GRIA2: variants seen among roughly 807,000 people sequenced by gnomAD.
The protein encoded by GRIA2 is glutamate ionotropic receptor AMPA type subunit 2, also known as glutamate receptor 2.
Under a neutral mutation model 97.3 loss-of-function variants are expected in GRIA2, and 14 were observed. The observed-to-expected ratio is 0.14, with a 90% CI of 0.10 to 0.23. GRIA2 has a LOEUF of 0.23. Among genes scored for constraint, GRIA2 ranks in the 10% least tolerant of loss-of-function variants. The probability of loss-of-function intolerance (pLI) is 1.00; values close to 1 mark genes in which losing one functional copy is unlikely to be tolerated. For synonymous variants in GRIA2, 412 were observed against 387.8 expected (o/e 1.06, Z -0.73); for missense variants, 558 against 1,069.8 (o/e 0.52, Z 6.67).
intron 12 of GRIA2, among the ~76,000 whole-genome samples, chr4:157,349,339 G>C (rs191539509): frequency 6.6e-6 from 1 of 151,508 alleles, no homozygotes; most frequent in Non-Finnish European, 1.5e-5. Flanking sequence ...GCGTTCCAGG[G>C]TTTTTGTACA....
intron 3 of GRIA2, among the ~76,000 whole-genome samples, chr4:157,311,979 A>T (rs1049316646): frequency 2.0e-5 from 3 of 152,110 alleles, no homozygotes; most frequent in Non-Finnish European, 4.4e-5. Flanking sequence ...AAGCAAAGTT[A>T]CTAACAGGAA....
chr4:157,259,436 C>A (rs1727533828), intron 2 of GRIA2, among the ~76,000 whole-genome samples: 3 of 152,084 alleles, frequency 2.0e-5, no homozygotes, highest in African/African-American at 7.2e-5. Flanking sequence ...AGCTTTCCTA[C>A]AGCTCTGTCA....
Position 157,228,790 on chromosome 4 carries a change from C to CAAAAA in GRIA2, c.229+6999_229+7003dup, listed in dbSNP as rs5863257. Among the ~76,000 whole-genome samples the CAAAAA allele has an allele frequency of 1.2e-3, 47 of 39,500 alleles. 1 individual carries two copies. The highest frequency in any genetic ancestry group is 4.0e-3 in the African/African-American group (33 of 8,154). 25.9% of individuals were successfully genotyped at this position (39,500 alleles called of 152,430 possible). On this transcript the variant is annotated intron_variant, in intron 2 of 15. Coordinates refer to ENST00000264426, the MANE Select transcript of GRIA2 (RefSeq NM_001083619.3). The stretch of plus-strand genomic sequence containing the variant: ...CCTTGGAGATGGCAAGATTCCATCT[C>CAAAAA]AAAAAAAAAAAAAAAAAAAAGAAGG...
intron 2 of GRIA2, among the ~76,000 whole-genome samples, chr4:157,289,323 T>C (rs960601088): frequency 2.6e-5 from 4 of 151,906 alleles, no homozygotes; most frequent in Admixed American, 2.0e-4. Context: ...GTAATGAAAG[T>C]AAACATGAGT....
At chr4:157,240,117 A>G (rs781434482) in intron 2 of GRIA2, among the ~76,000 whole-genome samples, 1 of 152,160 alleles carries the variant, frequency 6.6e-6, no homozygotes, top group Non-Finnish European at 1.5e-5. Context: ...ATTATTTAAA[A>G]CAAGTTTTAA....
In GRIA2 at chr4:157,277,898, A is replaced by ATG. The variant is rs1560743457; in HGVS notation, c.230-25653_230-25652insGT. 2.5e-3 allele frequency among the ~76,000 whole-genome samples: 362 copies of ATG among 144,630 alleles called. 3 individuals are homozygous for ATG. The highest frequency in any genetic ancestry group is 9.0e-3 in the African/African-American group (357 of 39,560). 94.9% of individuals were successfully genotyped at this position (144,630 alleles called of 152,430 possible). A position where few individuals can be genotyped will look rare whatever the true frequency, so the allele number is the denominator to read the frequency against. ...TATATATATGTATATATGTATATATATATGTATATATGTATATATATGTAT... is the reference window on the plus strand; with the variant it reads ...TATATATATGTATATATGTATATATATGTATGTATATATGTATATATATGTAT... On this transcript the variant is annotated intron_variant, in intron 2 of 15. Transcript: ENST00000264426.
chr4:157,235,629 T>C (rs1730209486), intron 2 of GRIA2, among the ~76,000 whole-genome samples: 1 of 152,092 alleles, frequency 6.6e-6, no homozygotes, highest in African/African-American at 2.4e-5. Flanking sequence ...GGTAGCCAAA[T>C]GAGTACTACT....
At chr4:157,285,357 G>T (rs536190491) in intron 2 of GRIA2, among the ~76,000 whole-genome samples, 3 of 151,230 alleles carry the variant, frequency 2.0e-5, no homozygotes, top group South Asian at 4.2e-4. Context: ...GTTGTGATTT[G>T]CCTTTATATT....
intron 2 of GRIA2, among the ~76,000 whole-genome samples, chr4:157,279,211 C>A (rs1732485246): frequency 6.6e-6 from 1 of 152,054 alleles, no homozygotes; most frequent in Non-Finnish European, 1.5e-5. Flanking sequence ...CCAAGATGTC[C>A]TTCAGTAGGT....
intron 5 of GRIA2, among the ~76,000 whole-genome samples, chr4:157,318,167 G>T (rs1734408979): frequency 6.6e-6 from 1 of 151,938 alleles, no homozygotes; most frequent in Non-Finnish European, 1.5e-5. Context: ...TTTAAGAAAA[G>T]GGAAAATTCT....
intron 2 of GRIA2, among the ~76,000 whole-genome samples, chr4:157,260,458 T>C (rs1008971368): frequency 6.6e-6 from 1 of 152,092 alleles, no homozygotes; most frequent in Non-Finnish European, 1.5e-5. Flanking sequence ...TTTGTCCCTT[T>C]CAGCATGATC....
intron 12 of GRIA2, among the ~76,000 whole-genome samples, chr4:157,355,933 T>TA (rs1560781153): frequency 6.4e-4 from 15 of 23,462 alleles, no homozygotes; most frequent in Non-Finnish European, 1.3e-3. Context: ...TTATATATAT[T>TA]TATATATTAA....
At chr4:157,335,489 T>C in intron 9 of GRIA2, 182 bp from the exon 10 acceptor site, 4 of 587,560 alleles carry the variant, frequency 6.8e-6, no homozygotes. Context: ...TGATAGACAT[T>C]CCGAGGCTTT....
chr4:157,248,209 T>C (rs1324534647), intron 2 of GRIA2, among the ~76,000 whole-genome samples: 1 of 151,602 alleles, frequency 6.6e-6, no homozygotes, highest in East Asian at 1.9e-4. Flanking sequence ...GTAACCTAAT[T>C]ATATAATTAA....
intron 2 of GRIA2, among the ~76,000 whole-genome samples, chr4:157,298,934 G>GC (rs1376631912): frequency 6.6e-6 from 1 of 152,024 alleles, no homozygotes; most frequent in Non-Finnish European, 1.5e-5. Flanking sequence ...CCACTAAGAG[G>GC]CAGAGTGAAA....
intron 12 of GRIA2, among the ~76,000 whole-genome samples, chr4:157,356,725 T>C (rs573714803): frequency 4.6e-5 from 7 of 152,266 alleles, no homozygotes; most frequent in South Asian, 4.1e-4. Context: ...AGTATCTTAG[T>C]TGACCACATG....
At chr4:157,264,598 T>C (rs1731685025) in intron 2 of GRIA2, among the ~76,000 whole-genome samples, 1 of 152,064 alleles carries the variant, frequency 6.6e-6, no homozygotes, top group South Asian at 2.1e-4. Flanking sequence ...ACATATAACC[T>C]AGCATATTCA....
chr4:157,256,727 T>G (rs1317944304), intron 2 of GRIA2, among the ~76,000 whole-genome samples: 1 of 151,952 alleles, frequency 6.6e-6, no homozygotes, highest in Non-Finnish European at 1.5e-5. Context: ...AATCTGTAAC[T>G]GAAACTAGGG....
At chr4:157,321,751 A>G in intron 6 of GRIA2, 152 bp downstream of exon 6, 1 of 553,218 alleles carries the variant, frequency 1.8e-6, no homozygotes, top group Non-Finnish European at 3.2e-6. Context: ...TATTTTTCAC[A>G]TTTTTATGGT....
Sources: allele counts gnomAD v4.1 joint callset (sites outside exome capture counted in the v4.1 genomes callset), GRCh38; gene constraint gnomAD v4.1.1; transcripts MANE v1.5; gene names NCBI Gene and HGNC (gene_info 2026-07-23, HGNC 2026-07-21).